Variants in LMO4 observed in about 807,000 individuals in gnomAD.
LMO4 encodes the protein LIM domain only 4, also known as LIM domain transcription factor LMO4.
Under a neutral mutation model 18.5 loss-of-function variants are expected in LMO4, and 3 were observed. The ratio of observed to expected loss-of-function variants is 0.16; its 90% confidence interval spans 0.07 to 0.42. The LOEUF is 0.42. Among genes scored for constraint, LMO4 ranks in the 10% least tolerant of loss-of-function variants. The pLI, the probability that LMO4 is intolerant of heterozygous loss-of-function variation, is 0.99. For missense variants in LMO4, 121 were observed against 219.9 expected, an observed-to-expected ratio of 0.55 and a Z score of 2.84; for synonymous variants, 100 against 88.1, an observed-to-expected ratio of 1.14 and a Z score of -0.76.
chr1:87,342,137 A>G (rs1650515789), intron 4 of LMO4, among the ~76,000 whole-genome samples: 2 of 152,216 alleles, frequency 1.3e-5, no homozygotes, highest in African/African-American at 4.8e-5. Flanking sequence ...GTACTATACA[A>G]AAAAATGATT....
chr1:87,342,417 GT>G (rs1240615458), intron 4 of LMO4, among the ~76,000 whole-genome samples: 1 of 152,094 alleles, frequency 6.6e-6, no homozygotes, highest in African/African-American at 2.4e-5. Flanking sequence ...ATTGAAATCT[GT>G]TTTCCACACC....
At chr1:87,330,022 TC>T (rs1256511885) in intron 1 of LMO4, among the ~76,000 whole-genome samples, 1 of 148,748 alleles carries the variant, frequency 6.7e-6, no homozygotes, top group Middle Eastern at 3.4e-3. Flanking sequence ...TTTTTTTTTT[TC>T]CAACTCTAAA....
intron 2 of LMO4, 40 bp from the exon 3 acceptor site, chr1:87,339,496 A>C: frequency 7.0e-7 from 1 of 1,432,680 alleles, no homozygotes; most frequent in African/African-American, 1.4e-5. Flanking sequence ...TCTTTGGTTT[A>C]GGATTATTCA....
rs1000138138 is a variant in LMO4, at chr1:87,348,583, G to A, written c.*3787G>A. 1.2e-5 allele frequency: 5 copies of A among 421,304 alleles called. No individual in the cohort carries two copies. Among genetic ancestry groups the A allele is most frequent in the South Asian group, 5.2e-5 (3 of 58,124 alleles). 26.1% of individuals were successfully genotyped at this position (421,304 alleles called of 1,614,324 possible). A position where few individuals can be genotyped will look rare whatever the true frequency, so the allele number is the denominator to read the frequency against. On this transcript the variant is annotated 3_prime_UTR_variant, in exon 5 of 5. Transcript: ENST00000370544. ...AGCAGCAAAGTGTAGCACATTCGCCGATGCTGGGTACCTAGTTAAAGAGGC... is the reference window on the plus strand; with the variant it reads ...AGCAGCAAAGTGTAGCACATTCGCCAATGCTGGGTACCTAGTTAAAGAGGC...
chr1:87,344,121 A>G (rs1358392178), intron 4 of LMO4, among the ~76,000 whole-genome samples: 1 of 152,248 alleles, frequency 6.6e-6, no homozygotes, highest in Non-Finnish European at 1.5e-5. Context: ...AGTGAAAAAT[A>G]TGTGAATATT....
chr1:87,334,873 A>C (rs1303323507), intron 2 of LMO4, among the ~76,000 whole-genome samples: 1 of 152,218 alleles, frequency 6.6e-6, no homozygotes, highest in African/African-American at 2.4e-5. Context: ...AGCTTTAATT[A>C]GTGGCTCCTC....
rs905457806 is a variant in LMO4 at position 87,346,815 on chromosome 1, T to C, written c.*2019T>C. 1 of 152,248 alleles carries C rather than the reference T, an allele frequency of 6.6e-6. No individual in the cohort carries two copies. Among genetic ancestry groups the C allele is most frequent in the Non-Finnish European group, 1.5e-5 (1 of 68,040 alleles). 9.4% of individuals were successfully genotyped at this position (152,248 alleles called of 1,614,324 possible). On this transcript the variant is annotated 3_prime_UTR_variant, in exon 5 of 5. Coordinates refer to ENST00000370544, the MANE Select transcript of LMO4 (RefSeq NM_006769.4). Reference sequence around the variant, plus strand: ...GTTTGAATTAGATGTCTGTTTGAATTAGATCCTTGGGGAATTTCTTCAAAC... The same window carrying C: ...GTTTGAATTAGATGTCTGTTTGAATCAGATCCTTGGGGAATTTCTTCAAAC...
rs1202716468 is a variant in LMO4, at chr1:87,348,499, T to A, written c.*3703T>A. The A allele has an allele frequency of 3.1e-6, 1 of 321,978 alleles. No homozygotes were observed. The highest frequency in any genetic ancestry group is 2.2e-5 in the African/African-American group (1 of 46,442). 19.9% of individuals were successfully genotyped at this position (321,978 alleles called of 1,614,324 possible). On this transcript the variant is annotated 3_prime_UTR_variant, in exon 5 of 5. Coordinates refer to ENST00000370544, the MANE Select transcript of LMO4 (RefSeq NM_006769.4). ...CTGAGCAGCCATTTTAGATTGGCAG[T>A]GCTCTGAACGCATGTTAAACAGCCA...
At chr1:87,338,330 A>G (rs1048717320) in intron 2 of LMO4, among the ~76,000 whole-genome samples, 2 of 152,240 alleles carry the variant, frequency 1.3e-5, no homozygotes, top group Non-Finnish European at 2.9e-5. Context: ...TTGGACAAGG[A>G]GGAAATGCAA....
intron 2 of LMO4, among the ~76,000 whole-genome samples, chr1:87,339,016 C>A (rs1354102489): frequency 2.6e-5 from 4 of 152,162 alleles, no homozygotes; most frequent in Non-Finnish European, 5.9e-5. Context: ...TATATATCAA[C>A]CTGGATAGCA....
chr1:87,343,737 C>G (rs894733765), intron 4 of LMO4, among the ~76,000 whole-genome samples: 1 of 152,164 alleles, frequency 6.6e-6, no homozygotes, highest in African/African-American at 2.4e-5. Context: ...TCTGGACAGA[C>G]AAATTACCTT....
In LMO4 at chr1:87,340,165, A is replaced by G; in HGVS notation, c.452A>G (p.Asn151Ser). The change falls in exon 4 of 5, where the codon AAT becomes AGT. Residue 151 changes from asparagine (N) to serine (S), a missense_variant. By Grantham distance (46) the Asn-to-Ser change is conservative. Coordinates refer to ENST00000370544, the MANE Select transcript of LMO4 (RefSeq NM_006769.4). ...RPTALINGHL[N>S]SLQSNPLLPD... ...ACAGCTCTCATCAATGGCCATTTGA[A>G]TTCACTTCAGAGCAATCCACTACTG... is the stretch of plus-strand genomic sequence containing the variant. The G allele has an allele frequency of 6.2e-7, 1 of 1,614,218 alleles. No homozygotes were observed. Among genetic ancestry groups the G allele is most frequent in the East Asian group, 2.2e-5 (1 of 44,882 alleles).
At chr1:87,340,277 G>A in intron 4 of LMO4, 75 bp downstream of exon 4, 1 of 1,396,642 alleles carries the variant, frequency 7.2e-7, no homozygotes, top group Non-Finnish European at 9.9e-7. Context: ...TAGCAAGAGA[G>A]TTTTCTTGGG....
intron 4 of LMO4, among the ~76,000 whole-genome samples, chr1:87,344,133 G>C (rs1055923539): frequency 2.6e-5 from 4 of 152,122 alleles, no homozygotes; most frequent in Non-Finnish European, 4.4e-5. Context: ...GTGAATATTT[G>C]TACATAGAAA....
intron 4 of LMO4, among the ~76,000 whole-genome samples, chr1:87,341,702 T>C (rs1360757434): frequency 3.3e-5 from 5 of 152,212 alleles, no homozygotes; most frequent in African/African-American, 1.2e-4. Flanking sequence ...GTTAATTACA[T>C]GACATTATGT....
rs1650650198 is a variant in LMO4, at chr1:87,346,868, T to C, written c.*2072T>C. On this transcript the variant is annotated 3_prime_UTR_variant, in exon 5 of 5. Transcript: ENST00000370544. ...GTTCTGGTTCTTATATTTGTTTTTT[T>C]TCCTTTAAGGAACTTTCTGAAGGAA... 6.6e-6 allele frequency: 1 copy of C among 152,370 alleles called. No homozygotes were observed. Among genetic ancestry groups the C allele is most frequent in the African/African-American group, 2.4e-5 (1 of 41,586 alleles). 9.4% of individuals were successfully genotyped at this position (152,370 alleles called of 1,614,324 possible).
rs182934277 is a variant in LMO4, at chr1:87,337,920, C to A, written c.237-1616C>A. 1.6e-3 allele frequency among the ~76,000 whole-genome samples: 240 copies of A among 152,336 alleles called. 2 individuals carry two copies. The highest frequency in any genetic ancestry group is 4.2e-3 in the Admixed American group (65 of 15,308). On this transcript the variant is annotated intron_variant, in intron 2 of 4. Coordinates refer to ENST00000370544, the MANE Select transcript of LMO4 (RefSeq NM_006769.4). Reference sequence around the variant, plus strand: ...AGGTCCTGACAGTGTATTATTTCAGCTTTCTTTCTGTAACTGTTCTGATTC... The same window carrying A: ...AGGTCCTGACAGTGTATTATTTCAGATTTCTTTCTGTAACTGTTCTGATTC...
chr1:87,339,548 T>A lies in LMO4; in HGVS notation c.249T>A (p.Asn83Lys). ...TTCTTTGTTTCAGGTTATTTGGAAA[T>A]AGCGGTGCTTGCAGCGCTTGCGGAC... ...CRNDYIRLFG[N>K]SGACSACGQS... is the part of the protein sequence containing the mutation. The change falls in exon 3 of 5, where the codon AAT (asparagine) becomes AAA (lysine). Residue 83 changes from asparagine to lysine, a missense_variant. Asn to Lys is a moderately conservative substitution (Grantham distance 94, BLOSUM62 0). This residue lies in a region of LMO4 where 62 missense variants were observed against 128.8 expected (regional missense o/e 0.48). Transcript: ENST00000370544. 6.2e-7 allele frequency: 1 copy of A among 1,613,458 alleles called. No homozygotes were observed. The highest frequency in any genetic ancestry group is 1.1e-5 in the South Asian group (1 of 91,070).
chr1:87,331,487 G>C (rs974336621), intron 1 of LMO4, among the ~76,000 whole-genome samples: 6 of 152,164 alleles, frequency 3.9e-5, no homozygotes, highest in African/African-American at 1.4e-4. Flanking sequence ...TGCACTTCCC[G>C]GGGCAGAACC....
Sources: allele counts gnomAD v4.1 joint callset (sites outside exome capture counted in the v4.1 genomes callset), GRCh38; gene constraint gnomAD v4.1.1; regional missense constraint gnomAD v4.1.1; transcripts MANE v1.5; gene names NCBI Gene and HGNC (gene_info 2026-07-23, HGNC 2026-07-21).